TRPC4AP: variants seen among roughly 807,000 people sequenced by gnomAD.
The protein encoded by TRPC4AP is transient receptor potential cation channel subfamily C member 4 associated protein.
Under a neutral mutation model 99.0 loss-of-function variants are expected in TRPC4AP, and 45 were observed. The ratio of observed to expected loss-of-function variants is 0.45; its 90% confidence interval spans 0.36 to 0.58. The LOEUF is 0.58. Among genes scored for constraint, TRPC4AP ranks in the 20% least tolerant of loss-of-function variants. The probability of loss-of-function intolerance (pLI) is 0.00; values close to 1 mark genes in which losing one functional copy is unlikely to be tolerated. For synonymous variants in TRPC4AP, 408 were observed against 385.8 expected (o/e 1.06, Z -0.67); for missense variants, 879 against 985.3 (o/e 0.89, Z 1.44).
chr20:35,006,001 C>G (rs1003944755), intron 15 of TRPC4AP, among the ~76,000 whole-genome samples, 198 bp from the exon 16 acceptor site: 1 of 152,244 alleles, frequency 6.6e-6, no homozygotes, highest in Non-Finnish European at 1.5e-5. Context: ...GAATTCAGCA[C>G]AGATCCGACA....
intron 4 of TRPC4AP, among the ~76,000 whole-genome samples, chr20:35,055,652 C>A (rs530691678): frequency 1.4e-4 from 22 of 152,220 alleles, no homozygotes; most frequent in Admixed American, 6.5e-5. Flanking sequence ...GGACTGCATG[C>A]GCGTGTACCA....
chr20:35,006,221 C>A (rs1466857693), intron 15 of TRPC4AP, among the ~76,000 whole-genome samples: 1 of 152,106 alleles, frequency 6.6e-6, no homozygotes, highest in Non-Finnish European at 1.5e-5. Flanking sequence ...CACCCTCACT[C>A]CCTACCCACA....
At chr20:35,046,336 A>AC (rs1342093100) in intron 6 of TRPC4AP, among the ~76,000 whole-genome samples, 9 of 152,182 alleles carry the variant, frequency 5.9e-5, no homozygotes, top group African/African-American at 2.2e-4. Flanking sequence ...GGCATGTACT[A>AC]CATCAACTTT....
At chr20:35,066,462 G>A (rs376074076) in intron 3 of TRPC4AP, among the ~76,000 whole-genome samples, 4 of 152,102 alleles carry the variant, frequency 2.6e-5, no homozygotes, top group East Asian at 1.9e-4. Flanking sequence ...CTGTACAATC[G>A]CCACATAGAT....
chr20:35,030,595 T>C (rs972967335), intron 8 of TRPC4AP, among the ~76,000 whole-genome samples: 4 of 152,238 alleles, frequency 2.6e-5, no homozygotes, highest in African/African-American at 9.6e-5. Context: ...TATACATTTA[T>C]GGAGTTTTTA....
At position 35,082,640 on chromosome 20, in the gene TRPC4AP, C is replaced by G. The variant is rs142242696; in HGVS notation, c.169-4466G>C. On this transcript the variant is annotated intron_variant, in intron 1 of 18. Coordinates refer to ENST00000252015, the MANE Select transcript of TRPC4AP (RefSeq NM_015638.3). ...AACTGCAGGCCAGTTTCACTAACGA[C>G]GATGTAAGGGAAAAACCACAATTCA... is the stretch of plus-strand genomic sequence containing the variant. Among the ~76,000 whole-genome samples the G allele has an allele frequency of 7.2e-5, 11 of 151,946 alleles. No individual in the cohort carries two copies. The East Asian group carries it at 1.7e-3, about 24-fold the overall frequency.
chr20:35,055,976 G>A (rs2083816487), intron 4 of TRPC4AP, among the ~76,000 whole-genome samples: 2 of 152,150 alleles, frequency 1.3e-5, no homozygotes, highest in Admixed American at 1.3e-4. Context: ...TGCTTTATTT[G>A]GCACTTGCTT....
chr20:35,042,496 G>C (rs1362940488), intron 7 of TRPC4AP, among the ~76,000 whole-genome samples: 1 of 152,174 alleles, frequency 6.6e-6, no homozygotes, highest in Non-Finnish European at 1.5e-5. Flanking sequence ...ACTGTTTTCA[G>C]AGCATGATTA....
At chr20:35,080,958 T>C (rs537159709) in intron 1 of TRPC4AP, among the ~76,000 whole-genome samples, 4 of 152,326 alleles carry the variant, frequency 2.6e-5, no homozygotes, top group Non-Finnish European at 5.9e-5. Context: ...ATGACAATGT[T>C]CTAAAACCAG....
At position 35,035,098 on chromosome 20, in the gene TRPC4AP, AC is replaced by A. The variant is rs772100451; in HGVS notation, c.1051+24del. 60 of 1,585,272 alleles carry A rather than the reference AC, an allele frequency of 3.8e-5. No homozygotes were observed. In the African/African-American group the frequency reaches 7.7e-4, roughly 20 times the overall value. ...GGCGCCCAAGGAAAAGCTCCCGATC[AC>A]TCAGGGGACCCATCCTTCCATACCT... On this transcript the variant is annotated intron_variant, in intron 8 of 18. Coordinates refer to ENST00000252015, the MANE Select transcript of TRPC4AP (RefSeq NM_015638.3).
intron 1 of TRPC4AP, among the ~76,000 whole-genome samples, chr20:35,086,081 C>G (rs1045898697): frequency 3.3e-5 from 5 of 151,098 alleles, no homozygotes; most frequent in Admixed American, 6.6e-5. Flanking sequence ...CCACTGCCAC[C>G]AAGTAGCTGG....
chr20:35,063,703 AT>A (rs1383447803), intron 3 of TRPC4AP, among the ~76,000 whole-genome samples: 1 of 152,116 alleles, frequency 6.6e-6, no homozygotes, highest in African/African-American at 2.4e-5. Context: ...TCTAACAAAT[AT>A]TAAAAAATTA....
intron 2 of TRPC4AP, among the ~76,000 whole-genome samples, chr20:35,075,813 A>G (rs2146009152): frequency 6.6e-6 from 1 of 152,246 alleles, no homozygotes; most frequent in Admixed American, 6.5e-5. Context: ...CTGCCTTGCT[A>G]GATTGGGGAA....
intron 16 of TRPC4AP, among the ~76,000 whole-genome samples, chr20:35,005,402 G>A (rs1437846067): frequency 6.6e-6 from 1 of 152,236 alleles, no homozygotes; most frequent in African/African-American, 2.4e-5. Flanking sequence ...GCCACGCACA[G>A]CACACTGAGG....
At chr20:35,019,502 T>C (rs1160346456) in intron 9 of TRPC4AP, among the ~76,000 whole-genome samples, 1 of 152,186 alleles carries the variant, frequency 6.6e-6, no homozygotes, top group Non-Finnish European at 1.5e-5. Flanking sequence ...GCCCAGTTTA[T>C]GCCCTGGCTT....
intron 11 of TRPC4AP, among the ~76,000 whole-genome samples, chr20:35,011,158 G>T (rs961796532): frequency 6.6e-6 from 1 of 152,154 alleles, no homozygotes; most frequent in African/African-American, 2.4e-5. Flanking sequence ...TACTCAGGAG[G>T]CTGAGGTAGA....
At position 35,078,092 on chromosome 20, in the gene TRPC4AP, G is replaced by C. The variant is rs773750408; in HGVS notation, c.251C>G (p.Thr84Ser). 1 of 1,614,018 alleles carries C rather than the reference G, an allele frequency of 6.2e-7. No homozygotes were observed. Among genetic ancestry groups the C allele is most frequent in the Admixed American group, 1.7e-5 (1 of 60,022 alleles). ...IPQLLLKLHT[T>S]SHLHSDFVEC... ...AACAAAGTCACTGTGGAGGTGGCTG[G>C]TGGTGTGCAGCTTGAGGAGCAGCTG... Residue 84 changes from threonine (T) to serine (S), a missense_variant, in exon 2 of 19, where the codon ACC becomes AGC. By Grantham distance (58) the Thr-to-Ser change is moderately conservative (BLOSUM62 1). Around this residue, in one of 3 missense-constraint regions of TRPC4AP, gnomAD observed 603 missense variants for 631.8 expected, o/e 0.95. Transcript: ENST00000252015.
chr20:35,029,156 C>G (rs1355731394), intron 8 of TRPC4AP, among the ~76,000 whole-genome samples: 2 of 152,136 alleles, frequency 1.3e-5, no homozygotes, highest in Admixed American at 1.3e-4. Context: ...GAGGCTGAGG[C>G]ATCAGAATTG....
At chr20:35,068,535 A>G (rs1383807752) in intron 3 of TRPC4AP, among the ~76,000 whole-genome samples, 2 of 152,074 alleles carry the variant, frequency 1.3e-5, no homozygotes, top group African/African-American at 4.8e-5. Context: ...AACACTAACC[A>G]TTTAATTTTT....
Sources: gnomAD v4.1 joint callset for allele counts (sites outside exome capture counted in the v4.1 genomes callset) on GRCh38, gnomAD v4.1.1 for gene constraint, gnomAD v4.1.1 regional missense constraint, MANE v1.5 for transcripts, NCBI Gene and HGNC (gene_info 2026-07-23, HGNC 2026-07-21) for gene names.